Variants in TMTC2 observed in about 807,000 individuals in gnomAD.
TMTC2 encodes the protein protein O-mannosyl-transferase TMTC2.
In TMTC2, 43 loss-of-function variants were observed where a neutral mutation model predicts 82.4. The ratio of observed to expected loss-of-function variants is 0.52; its 90% CI spans 0.41 to 0.67. The LOEUF is 0.67. Among genes scored for constraint, TMTC2 ranks in the 30% least tolerant of loss-of-function variants. The pLI is 0.00. For synonymous variants in TMTC2, 408 were observed against 381.9 expected (o/e 1.07, Z -0.80); for missense variants, 919 against 1,012.4 (o/e 0.91, Z 1.25).
At chr12:82,762,328 C>T (rs986229959) in intron 1 of TMTC2, among the ~76,000 whole-genome samples, 4 of 152,088 alleles carry the variant, frequency 2.6e-5, no homozygotes, top group Non-Finnish European at 4.4e-5. Flanking sequence ...CATCATGTCT[C>T]CTCCTTAACT....
intron 3 of TMTC2, among the ~76,000 whole-genome samples, chr12:82,904,982 C>CTTTTTTTTTTTTTT (rs370846723): frequency 7.5e-6 from 1 of 133,898 alleles, no homozygotes; most frequent in African/African-American, 2.7e-5. Flanking sequence ...TTTTTTGTTT[C>CTTTTTTTTTTTTTT]TTTTTTTTTT....
intron 1 of TMTC2, among the ~76,000 whole-genome samples, chr12:82,833,678 G>A (rs1399822245): frequency 6.6e-6 from 1 of 152,164 alleles, no homozygotes; most frequent in African/African-American, 2.4e-5. Context: ...GACAAATTCA[G>A]TAATGCATTC....
At chr12:83,009,710 A>G (rs542639802) in intron 8 of TMTC2, among the ~76,000 whole-genome samples, 1 of 152,190 alleles carries the variant, frequency 6.6e-6, no homozygotes, top group East Asian at 1.9e-4. Flanking sequence ...AACCCCTCTT[A>G]TAGTACTTAC....
chr12:82,947,376 CT>C (rs1197455500), intron 4 of TMTC2, among the ~76,000 whole-genome samples: 7 of 141,570 alleles, frequency 4.9e-5, no homozygotes, highest in Non-Finnish European at 9.1e-5. Flanking sequence ...GAGTCTCGCT[CT>C]TGTCGCCCAG....
Position 82,948,878 on chromosome 12 carries a change from C to G in TMTC2, c.1599-16146C>G, listed in dbSNP as rs186448848. Among the ~76,000 whole-genome samples the G allele has an allele frequency of 3.6e-3, 546 of 151,030 alleles. 7 individuals are homozygous for G. The highest frequency in any genetic ancestry group is 0.013 in the African/African-American group (532 of 41,172). On this transcript the variant is annotated intron_variant, in intron 4 of 11. Transcript: ENST00000321196. ...ATTTTTTTTTTTCCTTTTTTCTTCC[C>G]TCTGCCTGAACAAACTTGTTTAAGT...
At chr12:83,022,837 C>T (rs943503798) in intron 8 of TMTC2, among the ~76,000 whole-genome samples, 2 of 152,118 alleles carry the variant, frequency 1.3e-5, no homozygotes, top group Non-Finnish European at 2.9e-5. Flanking sequence ...TTACAGCCTG[C>T]TTATTTCATT....
intron 9 of TMTC2, among the ~76,000 whole-genome samples, chr12:83,036,574 A>G (rs565789019): frequency 6.7e-6 from 1 of 149,498 alleles, no homozygotes; most frequent in Non-Finnish European, 1.5e-5. Flanking sequence ...CAGAATTTTT[A>G]AGTGACTTCC....
intron 7 of TMTC2, among the ~76,000 whole-genome samples, chr12:82,977,795 G>T (rs776938084): frequency 2.2e-4 from 33 of 151,836 alleles, no homozygotes; most frequent in Non-Finnish European, 4.3e-4. Flanking sequence ...AAAATACAAT[G>T]ATAATTGCAG....
At chr12:82,845,502 G>T (rs9651971) in intron 1 of TMTC2, among the ~76,000 whole-genome samples, 1 of 151,520 alleles carries the variant, frequency 6.6e-6, no homozygotes, top group East Asian at 1.9e-4. Flanking sequence ...AAGCCTTACA[G>T]TATCCCTTCT....
chr12:82,800,171 G>T (rs1878924646), intron 1 of TMTC2, among the ~76,000 whole-genome samples: 1 of 152,030 alleles, frequency 6.6e-6, no homozygotes, highest in Non-Finnish European at 1.5e-5. Context: ...TCTCACAGAG[G>T]ATTGCTTGCA....
At chr12:82,810,208 CTT>C (rs567875027) in intron 1 of TMTC2, among the ~76,000 whole-genome samples, 1 of 145,618 alleles carries the variant, frequency 6.9e-6, no homozygotes, top group African/African-American at 2.5e-5. Context: ...AAAAAGTGGA[CTT>C]TTTTTTTTTC....
chr12:82,883,066 A>C (rs1286429510), intron 2 of TMTC2, among the ~76,000 whole-genome samples: 3 of 109,176 alleles, frequency 2.7e-5, no homozygotes, highest in Non-Finnish European at 4.8e-5. Flanking sequence ...AAAAAAAAAA[A>C]AAAAAAAAAA....
chr12:83,072,803 A>G (rs1427160850), intron 11 of TMTC2, among the ~76,000 whole-genome samples: 1 of 152,012 alleles, frequency 6.6e-6, no homozygotes, highest in Admixed American at 6.6e-5. Context: ...GTTTTGTCTG[A>G]TATAAATATT....
chr12:82,851,746 T>A (rs1011146360), intron 1 of TMTC2, among the ~76,000 whole-genome samples: 6 of 152,210 alleles, frequency 3.9e-5, no homozygotes, highest in Non-Finnish European at 4.4e-5. Flanking sequence ...TTATTTTTTT[T>A]AATTTAAGTT....
intron 4 of TMTC2, among the ~76,000 whole-genome samples, chr12:82,958,698 A>G (rs545733606): frequency 2.6e-4 from 40 of 152,282 alleles, no homozygotes; most frequent in African/African-American, 9.6e-4. Context: ...ATTAAGAGCC[A>G]TCTTTGACAC....
chr12:82,881,866 C>T (rs559447814), intron 2 of TMTC2, among the ~76,000 whole-genome samples: 2 of 152,174 alleles, frequency 1.3e-5, no homozygotes, highest in South Asian at 4.1e-4. Context: ...TTTTACTTTT[C>T]AAGAAGATAT....
chr12:82,773,846 T>C (rs1877442388), intron 1 of TMTC2, among the ~76,000 whole-genome samples: 1 of 152,120 alleles, frequency 6.6e-6, no homozygotes, highest in African/African-American at 2.4e-5. Flanking sequence ...AACCTTTTAT[T>C]TTTTTCTTTT....
At chr12:83,126,306 G>T (rs964617408) in intron 11 of TMTC2, among the ~76,000 whole-genome samples, 2 of 152,052 alleles carry the variant, frequency 1.3e-5, no homozygotes, top group Non-Finnish European at 2.9e-5. Flanking sequence ...CCTGGGGATG[G>T]TCAGGAATAG....
At chr12:82,837,476 C>A (rs1017089753) in intron 1 of TMTC2, among the ~76,000 whole-genome samples, 1 of 152,152 alleles carries the variant, frequency 6.6e-6, no homozygotes, top group African/African-American at 2.4e-5. Flanking sequence ...ACGATGATGA[C>A]CTCTCAGGAG....
Sources: gnomAD v4.1 joint callset for allele counts (sites outside exome capture counted in the v4.1 genomes callset) on GRCh38, gnomAD v4.1.1 for gene constraint, MANE v1.5 for transcripts, NCBI Gene and HGNC (gene_info 2026-07-23, HGNC 2026-07-21) for gene names.